SPIRE1: variants seen among roughly 807,000 people sequenced by gnomAD.
The protein encoded by SPIRE1 is spire type actin nucleation factor 1.
In SPIRE1, 40 loss-of-function variants were observed where a neutral mutation model predicts 94.1. The ratio of observed to expected loss-of-function variants is 0.43; its 90% confidence interval spans 0.33 to 0.55. SPIRE1 has a LOEUF of 0.55. Ranked by LOEUF, SPIRE1 falls within the 20% of genes least tolerant of loss-of-function variation. The pLI, the probability that SPIRE1 is intolerant of heterozygous loss-of-function variation, is 0.06. For missense variants in SPIRE1, 838 were observed against 975.2 expected (o/e 0.86, Z 1.87); for synonymous variants, 376 against 371.7 (o/e 1.01, Z -0.13).
Position 12,476,557 on chromosome 18 carries a change from AAAAAAAAATAT to A in SPIRE1, c.1404+3131_1404+3141del, listed in dbSNP as rs1408170781. Among the ~76,000 whole-genome samples, 269 of 84,194 alleles carry A rather than the reference AAAAAAAAATAT, an allele frequency of 3.2e-3. 1 individual carries two copies. The highest frequency in any genetic ancestry group is 0.012 in the African/African-American group (187 of 15,358). The allele number at this position is 84,194 out of a possible 152,430, so 55.2% of individuals were successfully genotyped here. A position where few individuals can be genotyped will look rare whatever the true frequency, so the allele number is the denominator to read the frequency against. On this transcript the variant is annotated intron_variant, in intron 10 of 16. Transcript: ENST00000409402. ...CTCTGTCTCCAAAAAAAAAAAAAAA[AAAAAAAAATAT>A]ATATATATATATATATATATACACA...
At chr18:12,558,701 G>A (rs919946073) in intron 2 of SPIRE1, among the ~76,000 whole-genome samples, 2 of 151,078 alleles carry the variant, frequency 1.3e-5, no homozygotes, top group Non-Finnish European at 2.9e-5. Context: ...ATAAAAGTTC[G>A]CCAAGTCCGC....
At chr18:12,606,533 ATT>A (rs11461946) in intron 2 of SPIRE1, among the ~76,000 whole-genome samples, 59 of 145,574 alleles carry the variant, frequency 4.1e-4, no homozygotes, top group Non-Finnish European at 5.9e-4. Context: ...TAATTATCTG[ATT>A]TTTTTTTTTT....
chr18:12,634,997 C>A, intron 2 of SPIRE1, 65 bp downstream of exon 2: 2 of 860,820 alleles, frequency 2.3e-6, no homozygotes, highest in Non-Finnish European at 3.7e-6. Flanking sequence ...TAGTTCAGTA[C>A]TCAAGTTAGT....
chr18:12,454,199 G>A lies in SPIRE1; in HGVS notation c.1776+147C>T, dbSNP rs1475449383. On this transcript the variant is annotated intron_variant, in intron 13 of 16. Transcript: ENST00000409402. Reference sequence around the variant, plus strand: ...CCCTCTTGTGAACGAGACAGCACATGTACTGTCTACTAGGATATGAACATC... The same window carrying A: ...CCCTCTTGTGAACGAGACAGCACATATACTGTCTACTAGGATATGAACATC... The A allele has an allele frequency of 8.8e-6, 8 of 905,188 alleles. No individual in the cohort carries two copies. The East Asian group carries it at 1.7e-4, about 19-fold the overall frequency. 56.1% of individuals were successfully genotyped at this position (905,188 alleles called of 1,614,324 possible).
intron 2 of SPIRE1, among the ~76,000 whole-genome samples, chr18:12,572,783 G>A (rs543215467): frequency 1.3e-4 from 20 of 152,196 alleles, no homozygotes; most frequent in Non-Finnish European, 2.4e-4. Context: ...ACAAAATGAA[G>A]CCAGGATTGT....
At chr18:12,510,373 T>C (rs1167764681) in intron 5 of SPIRE1, among the ~76,000 whole-genome samples, 2 of 152,180 alleles carry the variant, frequency 1.3e-5, no homozygotes, top group Non-Finnish European at 2.9e-5. Context: ...GTGCAGCTTA[T>C]TGTATATCTA....
chr18:12,454,473 C>T lies in SPIRE1; in HGVS notation c.1649G>A (p.Cys550Tyr), dbSNP rs1371300389. Residue 550 changes from cysteine (C) to tyrosine (Y), a missense_variant, in exon 13 of 17, where the codon TGC becomes TAC. This residue lies in a region of SPIRE1 where 645 missense variants were observed against 804.7 expected (regional missense o/e 0.80). Coordinates refer to ENST00000409402, the MANE Select transcript of SPIRE1 (RefSeq NM_001128626.2). ...AAGAGCGAGGCATTCCACTGGGTAG[C>T]AGAATTCCTCCTGAAATTCAAAATG... ...RQSSRSLEEF[C>Y]YPVECLALTV... The T allele has an allele frequency of 6.2e-6, 10 of 1,613,568 alleles. No individual in the cohort carries two copies. The highest frequency in any genetic ancestry group is 7.6e-6 in the Non-Finnish European group (9 of 1,179,978).
intron 2 of SPIRE1, among the ~76,000 whole-genome samples, chr18:12,562,450 T>C (rs532966825): frequency 6.7e-6 from 1 of 148,370 alleles, no homozygotes; most frequent in East Asian, 1.9e-4. Context: ...AACACCTGAC[T>C]AAATTTATTT....
chr18:12,574,496 T>C (rs2144493037), intron 2 of SPIRE1, among the ~76,000 whole-genome samples: 1 of 152,170 alleles, frequency 6.6e-6, no homozygotes, highest in East Asian at 1.9e-4. Flanking sequence ...CTTGAGCTAG[T>C]AGGGATAGTG....
At chr18:12,464,035 C>T (rs778248220) in intron 11 of SPIRE1, among the ~76,000 whole-genome samples, 8 of 152,070 alleles carry the variant, frequency 5.3e-5, no homozygotes, top group Non-Finnish European at 1.2e-4. Flanking sequence ...AATTATGGTG[C>T]CAGAGTTTTA....
At chr18:12,566,262 G>C (rs902708645) in intron 2 of SPIRE1, among the ~76,000 whole-genome samples, 2 of 152,126 alleles carry the variant, frequency 1.3e-5, no homozygotes, top group Non-Finnish European at 2.9e-5. Flanking sequence ...CTTGAACCCG[G>C]GAGGTGGAGG....
Position 12,452,141 on chromosome 18 carries a change from CCAACAAACCAAT to C in SPIRE1, c.2012+102_2012+113del. The C allele has an allele frequency of 3.8e-6, 5 of 1,313,034 alleles. No individual in the cohort carries two copies. In the South Asian group the frequency reaches 7.3e-5, roughly 19 times the overall value. The allele number at this position is 1,313,034 out of a possible 1,614,324, so 81.3% of individuals were successfully genotyped here. A position where few individuals can be genotyped will look rare whatever the true frequency, so the allele number is the denominator to read the frequency against. The stretch of plus-strand genomic sequence containing the variant: ...GTGTGTAAAACTGTATTAAAACCAA[CCAACAAACCAAT>C]AAAAACCCCTCGAGCCAAAACCCTA... On this transcript the variant is annotated intron_variant, in intron 16 of 16. Transcript: ENST00000409402.
chr18:12,641,107 A>T (rs1832324280), intron 1 of SPIRE1, among the ~76,000 whole-genome samples: 1 of 152,098 alleles, frequency 6.6e-6, no homozygotes, highest in Admixed American at 6.6e-5. Flanking sequence ...GTAGAACAGG[A>T]TTTGTTAATG....
chr18:12,637,889 C>T (rs2037978312), intron 1 of SPIRE1, among the ~76,000 whole-genome samples: 1 of 152,236 alleles, frequency 6.6e-6, no homozygotes, highest in Admixed American at 6.5e-5. Flanking sequence ...TTTCAATGAC[C>T]TGCATTATAA....
chr18:12,581,061 CTATT>C (rs1194386846), intron 2 of SPIRE1, among the ~76,000 whole-genome samples: 1 of 152,176 alleles, frequency 6.6e-6, no homozygotes, highest in Admixed American at 6.5e-5. Context: ...GATAGGTACT[CTATT>C]TAATACCCAC....
At chr18:12,600,063 G>C (rs2036788334) in intron 2 of SPIRE1, among the ~76,000 whole-genome samples, 1 of 144,894 alleles carries the variant, frequency 6.9e-6, no homozygotes, top group Admixed American at 7.1e-5. Flanking sequence ...CAGATAGATA[G>C]TCTCTACGTG....
At chr18:12,497,107 C>T (rs1007214522) in intron 6 of SPIRE1, among the ~76,000 whole-genome samples, 5 of 151,664 alleles carry the variant, frequency 3.3e-5, no homozygotes, top group African/African-American at 1.2e-4. Flanking sequence ...AACAAAAAAA[C>T]CCCACAAAAA....
At chr18:12,523,677 T>A (rs1314694760) in intron 4 of SPIRE1, among the ~76,000 whole-genome samples, 1 of 152,056 alleles carries the variant, frequency 6.6e-6, no homozygotes, top group East Asian at 1.9e-4. Context: ...AGCAATAAAG[T>A]ATTTTTATTC....
intron 2 of SPIRE1, among the ~76,000 whole-genome samples, chr18:12,622,657 C>T (rs9960706): frequency 0.17 from 25,716 of 151,228 alleles, 2,508 homozygotes; most frequent in Middle Eastern, 0.23. Flanking sequence ...CTCCTGACCT[C>T]GTGATCCGCC....
Sources: allele counts gnomAD v4.1 joint callset (sites outside exome capture counted in the v4.1 genomes callset), GRCh38; gene constraint gnomAD v4.1.1; regional missense constraint gnomAD v4.1.1; transcripts MANE v1.5; gene names NCBI Gene and HGNC (gene_info 2026-07-23, HGNC 2026-07-21).